The following TSPAN1 variants were observed in gnomAD, a reference collection of about 807,000 sequenced individuals.
The protein encoded by TSPAN1 is tetraspanin 1.
In TSPAN1, 23 loss-of-function variants were observed where a neutral mutation model predicts 26.9. The ratio of observed to expected loss-of-function variants is 0.85; its 90% confidence interval spans 0.62 to 1.21. The LOEUF is 1.21. Among genes scored for constraint, TSPAN1 ranks in the 50% most tolerant of loss-of-function variants. The pLI, the probability that TSPAN1 is intolerant of heterozygous loss-of-function variation, is 0.00. For missense variants in TSPAN1, 283 were observed against 298.4 expected (o/e 0.95, Z 0.38); for synonymous variants, 115 against 114.8 (o/e 1.00, Z -0.01).
At position 46,175,308 on chromosome 1, in the gene TSPAN1, G is replaced by T; in HGVS notation, c.-243G>T. ...AAGAGAGCCCCTACTTCATGGGGCA[G>T]ATCAAGAGCTGAGACCAAAGATGGT... On this transcript the variant is annotated 5_prime_UTR_variant, in exon 1 of 9. Transcript: ENST00000372003. 6.2e-6 allele frequency: 2 copies of T among 323,548 alleles called. No homozygotes were observed. Among genetic ancestry groups the T allele is most frequent in the Non-Finnish European group, 5.6e-6 (1 of 179,070 alleles). The allele number at this position is 323,548 out of a possible 1,614,324, so 20.0% of individuals were successfully genotyped here.
At chr1:46,177,110 A>C (rs1334924545) in intron 1 of TSPAN1, among the ~76,000 whole-genome samples, 2 of 152,084 alleles carry the variant, frequency 1.3e-5, no homozygotes, top group Non-Finnish European at 2.9e-5. Context: ...CGAGGTGGGC[A>C]GATCACCTGA....
the TSPAN1 span, chr1:46,192,091 C>T: frequency 6.2e-7 from 1 of 1,613,272 alleles, no homozygotes; most frequent in Non-Finnish European, 8.5e-7. Context: ...CCCTGCCTCC[C>T]ACTCACGTGA....
intron 1 of TSPAN1, among the ~76,000 whole-genome samples, chr1:46,177,624 A>G (rs937173117): frequency 1.3e-5 from 2 of 152,208 alleles, no homozygotes; most frequent in East Asian, 1.9e-4. Flanking sequence ...ACCACCAAAA[A>G]GCACATTTGT....
At chr1:46,182,304 C>CAAAAAAAAAAAAAATAAAAAAAAA (rs71062743) in intron 3 of TSPAN1, among the ~76,000 whole-genome samples, 1 of 30,162 alleles carries the variant, frequency 3.3e-5, no homozygotes, top group Non-Finnish European at 6.2e-5. Context: ...TAGGGATAAG[C>CAAAAAAAAAAAAAATAAAAAAAAA]AAAAAAAAAA....
chr1:46,177,458 A>C (rs1240539659), intron 1 of TSPAN1, among the ~76,000 whole-genome samples: 1 of 152,196 alleles, frequency 6.6e-6, no homozygotes, highest in Non-Finnish European at 1.5e-5. Flanking sequence ...AATGAAACTT[A>C]TCTAAAGCAC....
chr1:46,189,260 G>A (rs773221879), downstream of TSPAN1: 2 of 1,612,566 alleles, frequency 1.2e-6, no homozygotes, highest in East Asian at 2.2e-5. Context: ...GCAGGGTCCT[G>A]GAGGAGGTCT....
downstream of TSPAN1, chr1:46,189,795 T>TG (rs1657606265): frequency 4.0e-5 from 64 of 1,608,500 alleles, no homozygotes; most frequent in Non-Finnish European, 5.3e-5. Flanking sequence ...CCCTGGATCT[T>TG]GGGGCAGTAT....
rs1557666066 is a variant in TSPAN1, at chr1:46,185,208, CTT to C, written c.595-14_595-13del. The C allele has an allele frequency of 1.2e-6, 2 of 1,614,154 alleles. No individual in the cohort carries two copies. Among genetic ancestry groups the C allele is most frequent in the Middle Eastern group, 1.6e-4 (1 of 6,062 alleles). ...AGGGCAGCTGCCAACTATAAATGCT[CTT>C]TTCTCTTCCTGAAGGGTTGCTTCAA... On this transcript the variant is annotated splice_polypyrimidine_tract_variant and intron_variant, in intron 7 of 8. Transcript: ENST00000372003.
chr1:46,194,466 ACAAT>A, the TSPAN1 span: 1 of 1,614,118 alleles, frequency 6.2e-7, no homozygotes, highest in Non-Finnish European at 8.5e-7. Context: ...CCCCAGGCAC[ACAAT>A]CAAAGGAATA....
chr1:46,185,540 T>A lies in TSPAN1; in HGVS notation c.*7T>A, dbSNP rs1162296389. 1 of 1,614,156 alleles carries A rather than the reference T, an allele frequency of 6.2e-7. No individual in the cohort carries two copies. Among genetic ancestry groups the A allele is most frequent in the South Asian group, 1.1e-5 (1 of 91,078 alleles). ...GTACTGCAATCTACAATAAGTCCAC[T>A]TCTGCCTCTGCCACTACTGCTGCCA... On this transcript the variant is annotated 3_prime_UTR_variant, in exon 9 of 9. Coordinates refer to ENST00000372003, the MANE Select transcript of TSPAN1 (RefSeq NM_005727.4).
chr1:46,194,493 G>A, the TSPAN1 span: 1 of 1,614,122 alleles, frequency 6.2e-7, no homozygotes, highest in Non-Finnish European at 8.5e-7. Context: ...GCTCCACAGA[G>A]AGATCTAAAT....
At chr1:46,192,241 C>A in the TSPAN1 span, 7 of 1,614,064 alleles carry the variant, frequency 4.3e-6, no homozygotes, top group East Asian at 4.5e-5. Flanking sequence ...ACATGGACCA[C>A]GATGAAGGTT....
chr1:46,192,546 A>G, the TSPAN1 span: 1 of 1,614,184 alleles, frequency 6.2e-7, no homozygotes, highest in Non-Finnish European at 8.5e-7. Context: ...GATGCAGTAC[A>G]GGCTGTCATC....
chr1:46,178,635 T>C (rs1478362504), intron 1 of TSPAN1, among the ~76,000 whole-genome samples: 1 of 152,186 alleles, frequency 6.6e-6, no homozygotes, highest in Non-Finnish European at 1.5e-5. Context: ...GCTCCTCCTC[T>C]TCCTCAGGTC....
chr1:46,190,568 C>T (rs1291478925), downstream of TSPAN1: 1 of 1,547,600 alleles, frequency 6.5e-7, no homozygotes, highest in East Asian at 2.2e-5. Context: ...CCTCAGGTCC[C>T]ATGGGTAGCA....
downstream of TSPAN1, chr1:46,189,093 AG>A (rs1478140884): frequency 2.0e-6 from 3 of 1,504,282 alleles, no homozygotes; most frequent in Non-Finnish European, 2.7e-6. Flanking sequence ...CTTTTAACTC[AG>A]GAACGGGGTG....
At chr1:46,176,298 A>C in intron 1 of TSPAN1, 1 of 1,535,814 alleles carries the variant, frequency 6.5e-7, no homozygotes, top group Non-Finnish European at 8.7e-7. Context: ...CCCTGGTGGC[A>C]GGATTGATGG....
At chr1:46,194,068 C>CCA in the TSPAN1 span, 6 of 1,540,018 alleles carry the variant, frequency 3.9e-6, no homozygotes, top group African/African-American at 8.2e-5. Flanking sequence ...TCTGGGCTCT[C>CCA]CACACACTCA....
At chr1:46,179,911 A>G (rs951611609) in intron 1 of TSPAN1, among the ~76,000 whole-genome samples, 1 of 152,012 alleles carries the variant, frequency 6.6e-6, no homozygotes, top group Non-Finnish European at 1.5e-5. Context: ...GAAGCTGCCA[A>G]ATCTCAGTCA....
Sources: allele counts gnomAD v4.1 joint callset (sites outside exome capture counted in the v4.1 genomes callset), GRCh38; gene constraint gnomAD v4.1.1; transcripts MANE v1.5; gene names NCBI Gene and HGNC (gene_info 2026-07-23, HGNC 2026-07-21).